HERC1: variants seen among roughly 807,000 people sequenced by gnomAD.
HERC1 encodes probable E3 ubiquitin-protein ligase HERC1.
In HERC1, 160 loss-of-function variants were observed where a neutral mutation model predicts 554.3. The ratio of observed to expected loss-of-function variants is 0.29; its 90% confidence interval spans 0.25 to 0.33. The LOEUF (loss-of-function observed/expected upper bound fraction) is 0.33. Among genes scored for constraint, HERC1 ranks in the 10% least tolerant of loss-of-function variants. HERC1 has a pLI of 1.00. For missense variants in HERC1, 4,919 were observed against 5,918.5 expected (o/e 0.83, Z 5.54); for synonymous variants, 2,175 against 2,131.7 (o/e 1.02, Z -0.56).
chr15:63,805,947 C>A (rs72752911), intron 1 of HERC1, among the ~76,000 whole-genome samples: 92 of 144,018 alleles, frequency 6.4e-4, no homozygotes, highest in Middle Eastern at 3.6e-3. Context: ...TATCTCAAAA[C>A]AAAAAAAAAA....
At position 63,615,750 on chromosome 15, in the gene HERC1, C is replaced by A; in HGVS notation, c.14094+18G>T. On this transcript the variant is annotated intron_variant, in intron 76 of 77. Transcript: ENST00000443617. ...AACCCAAGCATTCATGTGTACCTCCCGAGATGTTTCATCTCACCTGTCTGT... is the reference window on the plus strand; with the variant it reads ...AACCCAAGCATTCATGTGTACCTCCAGAGATGTTTCATCTCACCTGTCTGT... 1 of 1,564,186 alleles carries A rather than the reference C, an allele frequency of 6.4e-7. No homozygotes were observed. Among genetic ancestry groups the A allele is most frequent in the South Asian group, 1.2e-5 (1 of 81,752 alleles).
At chr15:63,699,688 T>C (rs1388351846) in intron 25 of HERC1, among the ~76,000 whole-genome samples, 4 of 152,160 alleles carry the variant, frequency 2.6e-5, no homozygotes, top group African/African-American at 9.7e-5. Context: ...TATATAAAAT[T>C]ATCAAGTGGC....
Position 63,615,877 on chromosome 15 carries a change from T to G in HERC1, c.13985A>C (p.Lys4662Thr). 6.2e-7 allele frequency: 1 copy of G among 1,604,886 alleles called. No individual in the cohort carries two copies. Among genetic ancestry groups the G allele is most frequent in the Non-Finnish European group, 8.5e-7 (1 of 1,176,366 alleles). ...DSFVGQSADG[K>T]MVPIIPGGNS... ...TCCACCAGGGATTATAGGAACCATT[T>G]TGCCATCAGCACTCTGGCCAACAAA... The change falls in exon 76 of 78, where the codon AAA becomes ACA. Residue 4662 changes from lysine to threonine, a missense_variant. Around this residue, in one of 11 missense-constraint regions of HERC1, gnomAD observed 284 missense variants for 294.1 expected, o/e 0.97. Transcript: ENST00000443617.
At chr15:63,665,234 C>T (rs1228184956) in intron 42 of HERC1, among the ~76,000 whole-genome samples, 2 of 152,116 alleles carry the variant, frequency 1.3e-5, no homozygotes, top group East Asian at 3.8e-4. Context: ...ACAGAGAAGA[C>T]TTAAAAGTTC....
At chr15:63,664,744 A>T (rs1383440158) in intron 42 of HERC1, 150 bp from the exon 43 acceptor site, 1 of 633,144 alleles carries the variant, frequency 1.6e-6, no homozygotes, top group African/African-American at 1.8e-5. Flanking sequence ...TATCCCTTGA[A>T]CAGTTCAATT....
intron 1 of HERC1, among the ~76,000 whole-genome samples, chr15:63,808,304 A>G (rs935129367): frequency 3.9e-5 from 6 of 152,120 alleles, no homozygotes; most frequent in African/African-American, 1.4e-4. Flanking sequence ...TCTTTCCTCA[A>G]AGAAACAGGG....
intron 16 of HERC1, among the ~76,000 whole-genome samples, chr15:63,728,292 A>C (rs1431006528): frequency 6.6e-6 from 1 of 152,230 alleles, no homozygotes; most frequent in Non-Finnish European, 1.5e-5. Context: ...TATTTTTTAA[A>C]CAAAATTTGC....
chr15:63,765,623 C>G (rs2075750568), intron 2 of HERC1, among the ~76,000 whole-genome samples: 1 of 152,172 alleles, frequency 6.6e-6, no homozygotes, highest in African/African-American at 2.4e-5. Flanking sequence ...ATTCCACTAA[C>G]TCTTTCAACG....
At chr15:63,664,314 T>G (rs552982006) in intron 43 of HERC1, among the ~76,000 whole-genome samples, 156 bp downstream of exon 43, 2 of 152,240 alleles carry the variant, frequency 1.3e-5, no homozygotes, top group East Asian at 3.8e-4. Context: ...AATAAAATTA[T>G]GTAAATGCAT....
At chr15:63,690,445 G>T in intron 32 of HERC1, 96 bp downstream of exon 32, 1 of 733,554 alleles carries the variant, frequency 1.4e-6, no homozygotes, top group East Asian at 2.7e-5. Context: ...TTGAATAAAA[G>T]ACACATTTAC....
intron 39 of HERC1, among the ~76,000 whole-genome samples, chr15:63,671,374 A>T (rs1025017676): frequency 2.0e-4 from 17 of 84,126 alleles, no homozygotes; most frequent in Non-Finnish European, 4.8e-4. Flanking sequence ...GCTGTCTCTT[A>T]AAAAAAAAAA....
chr15:63,617,665 C>T (rs1391448626), intron 74 of HERC1, among the ~76,000 whole-genome samples: 1 of 152,188 alleles, frequency 6.6e-6, no homozygotes, highest in African/African-American at 2.4e-5. Context: ...TTCTCTCCAG[C>T]ACCTGTTGTT....
chr15:63,705,170 T>TG (rs2072937872), intron 25 of HERC1, among the ~76,000 whole-genome samples: 1 of 152,086 alleles, frequency 6.6e-6, no homozygotes, highest in African/African-American at 2.4e-5. Context: ...TCTTTTTTTT[T>TG]GAGACAGGGT....
intron 31 of HERC1, among the ~76,000 whole-genome samples, 158 bp from the exon 32 acceptor site, chr15:63,690,805 C>T (rs1264286077): frequency 6.6e-6 from 1 of 152,104 alleles, no homozygotes; most frequent in Non-Finnish European, 1.5e-5. Context: ...CATCCTGTAC[C>T]CATGAATGCG....
At chr15:63,754,019 C>A (rs2075337294) in intron 7 of HERC1, among the ~76,000 whole-genome samples, 1 of 151,888 alleles carries the variant, frequency 6.6e-6, no homozygotes, top group East Asian at 1.9e-4. Context: ...AAAAAAAATA[C>A]AAAACTTAGT....
intron 24 of HERC1, among the ~76,000 whole-genome samples, chr15:63,709,725 T>C (rs1435957446): frequency 1.3e-5 from 2 of 152,236 alleles, no homozygotes; most frequent in Non-Finnish European, 2.9e-5. Context: ...TTACAATATG[T>C]AAAGCACTGT....
In HERC1 at chr15:63,612,658, C is replaced by T. The variant is rs995822800; in HGVS notation, c.14095-102G>A. On this transcript the variant is annotated intron_variant, in intron 76 of 77. Transcript: ENST00000443617. This position sits in a 1 kb window ranked among gnomAD's most constrained non-coding sequence, Gnocchi z 5.0. ...GCCTCCTGATGCCTGCTCGTCCGCTCCCCAGACCCTCTACTTGTTTCTCAG... is the reference window on the plus strand; with the variant it reads ...GCCTCCTGATGCCTGCTCGTCCGCTTCCCAGACCCTCTACTTGTTTCTCAG... 1.5e-5 allele frequency: 16 copies of T among 1,093,380 alleles called. No homozygotes were observed. The highest frequency in any genetic ancestry group is 1.9e-5 in the Non-Finnish European group (15 of 773,032). 67.7% of individuals were successfully genotyped at this position (1,093,380 alleles called of 1,614,324 possible).
At chr15:63,704,481 T>C (rs2072896881) in intron 25 of HERC1, among the ~76,000 whole-genome samples, 1 of 152,206 alleles carries the variant, frequency 6.6e-6, no homozygotes, top group African/African-American at 2.4e-5. Flanking sequence ...ATTGGATTTC[T>C]TATGCTACTC....
rs76470154 is a variant in HERC1 at position 63,706,560 on chromosome 15, C to T, written c.4636+220G>A. Among the ~76,000 whole-genome samples the T allele has an allele frequency of 0.059, 8,967 of 152,060 alleles. 310 individuals are homozygous for T. The highest frequency in any genetic ancestry group is 0.073 in the Non-Finnish European group (4,931 of 67,964). On this transcript the variant is annotated intron_variant, in intron 25 of 77. Coordinates refer to ENST00000443617, the MANE Select transcript of HERC1 (RefSeq NM_003922.4). ...ACTGATTATTAACTCCTAAACATTC[C>T]CAGATTTTTAAAGCGTACATATTTT...
Sources: allele counts gnomAD v4.1 joint callset (sites outside exome capture counted in the v4.1 genomes callset), GRCh38; gene constraint gnomAD v4.1.1; regional missense constraint gnomAD v4.1.1; non-coding constraint Gnocchi (gnomAD v3.1); transcripts MANE v1.5; gene names NCBI Gene and HGNC (gene_info 2026-07-23, HGNC 2026-07-21).